The following UHRF2 variants were observed in gnomAD, a reference collection of about 807,000 sequenced individuals.
The protein encoded by UHRF2 is E3 ubiquitin-protein ligase UHRF2.
In UHRF2, 23 loss-of-function variants were observed where a neutral mutation model predicts 96.8. The observed-to-expected ratio is 0.24, with a 90% CI of 0.17 to 0.34. The LOEUF (loss-of-function observed/expected upper bound fraction) is 0.34, where lower values mean the gene tolerates loss of function less well. Ranked by LOEUF, UHRF2 falls within the 10% of genes least tolerant of loss-of-function variation. The pLI is 1.00. For synonymous variants in UHRF2, 385 were observed against 332.6 expected, an observed-to-expected ratio of 1.16 and a Z score of -1.72; for missense variants, 685 against 981.5, an observed-to-expected ratio of 0.70 and a Z score of 4.04.
chr9:6,440,044 A>G (rs1465295666), intron 3 of UHRF2, among the ~76,000 whole-genome samples: 2 of 152,168 alleles, frequency 1.3e-5, no homozygotes, highest in Non-Finnish European at 2.9e-5. Context: ...ATTCCCATCA[A>G]TTATCCTTTC....
At chr9:6,494,893 A>C (rs937151005) in intron 10 of UHRF2, 1 of 152,152 alleles carries the variant, frequency 6.6e-6, no homozygotes, top group East Asian at 1.9e-4. Context: ...TATGTGTTCT[A>C]TATTGTTTCT....
intron 1 of UHRF2, among the ~76,000 whole-genome samples, chr9:6,417,669 T>C (rs1819684771): frequency 6.6e-6 from 1 of 152,186 alleles, no homozygotes; most frequent in African/African-American, 2.4e-5. Flanking sequence ...AAGGAGTGGA[T>C]AATCTGGGTT....
At chr9:6,418,305 C>G (rs542539803) in intron 1 of UHRF2, among the ~76,000 whole-genome samples, 1 of 148,640 alleles carries the variant, frequency 6.7e-6, no homozygotes, top group East Asian at 2.0e-4. Flanking sequence ...ATTCCCATCC[C>G]TATCCTTATC....
chr9:6,467,311 C>A (rs1045091563), intron 4 of UHRF2, among the ~76,000 whole-genome samples: 1 of 152,210 alleles, frequency 6.6e-6, no homozygotes, highest in Non-Finnish European at 1.5e-5. Flanking sequence ...CCTTCATATT[C>A]TCTCCTCTGC....
At chr9:6,464,871 C>G (rs1030413214) in intron 4 of UHRF2, among the ~76,000 whole-genome samples, 1 of 152,050 alleles carries the variant, frequency 6.6e-6, no homozygotes, top group South Asian at 2.1e-4. Context: ...CTGTGTACTT[C>G]CATTTGAATT....
At chr9:6,443,404 A>C (rs996618257) in intron 3 of UHRF2, among the ~76,000 whole-genome samples, 2 of 152,212 alleles carry the variant, frequency 1.3e-5, no homozygotes, top group Non-Finnish European at 2.9e-5. Flanking sequence ...TAACTTGCTC[A>C]GTGTTAGAGA....
chr9:6,495,125 C>T (rs1213743460), intron 10 of UHRF2: 7 of 152,066 alleles, frequency 4.6e-5, no homozygotes, highest in Non-Finnish European at 8.8e-5. Context: ...ATTATTTTTC[C>T]CTTTAATAAT....
chr9:6,463,100 G>A (rs935682991), intron 4 of UHRF2, among the ~76,000 whole-genome samples: 6 of 152,132 alleles, frequency 3.9e-5, no homozygotes, highest in African/African-American at 1.4e-4. Flanking sequence ...TGACCAACTA[G>A]TGAAACCCTG....
chr9:6,491,246 G>A (rs887369764), intron 9 of UHRF2, among the ~76,000 whole-genome samples: 1 of 152,186 alleles, frequency 6.6e-6, no homozygotes, highest in Non-Finnish European at 1.5e-5. Flanking sequence ...TTGTGTCCTG[G>A]CTGTGGAGCC....
intron 4 of UHRF2, among the ~76,000 whole-genome samples, chr9:6,464,667 A>G (rs1030277920): frequency 7.9e-5 from 12 of 152,148 alleles, no homozygotes; most frequent in Non-Finnish European, 1.6e-4. Flanking sequence ...TGAAAAGCCC[A>G]TTTCCCTCCC....
intron 1 of UHRF2, chr9:6,413,910 TG>T: frequency 3.0e-6 from 1 of 338,772 alleles, no homozygotes; most frequent in Non-Finnish European, 5.3e-6. Flanking sequence ...CGTTTGTATT[TG>T]GTAGGACAGC....
intron 1 of UHRF2, among the ~76,000 whole-genome samples, chr9:6,414,745 C>G (rs1306318574): frequency 6.6e-6 from 1 of 152,220 alleles, no homozygotes; most frequent in Non-Finnish European, 1.5e-5. Flanking sequence ...CCTTCACAGG[C>G]TTAGTCTTCG....
intron 3 of UHRF2, among the ~76,000 whole-genome samples, chr9:6,449,709 TTTTTGCAAACAGTATGG>T (rs1444521007): frequency 6.6e-6 from 1 of 152,198 alleles, no homozygotes; most frequent in Non-Finnish European, 1.5e-5. Context: ...GCCTAAACTG[TTTTTGCAAACAGTATGG>T]TTTATGCTGA....
rs1193512835 is a variant in UHRF2, at chr9:6,413,789, G to A, written c.153+146G>A. On this transcript the variant is annotated intron_variant, in intron 1 of 15. Coordinates refer to ENST00000276893, the MANE Select transcript of UHRF2 (RefSeq NM_152896.3). ...GGTGGGCAGCCCCCGCGAGGCGCGG[G>A]GTGCGGGGCCCAGTCCCGCCGAATG... is the stretch of plus-strand genomic sequence containing the variant. 6 of 1,079,030 alleles carry A rather than the reference G, an allele frequency of 5.6e-6. No homozygotes were observed. The Admixed American group carries it at 1.3e-4, about 23-fold the overall frequency. 66.8% of individuals were successfully genotyped at this position (1,079,030 alleles called of 1,614,324 possible). A position where few individuals can be genotyped will look rare whatever the true frequency, so the allele number is the denominator to read the frequency against.
intron 2 of UHRF2, 73 bp downstream of exon 2, chr9:6,421,215 TA>T (rs1819911709): frequency 8.9e-7 from 1 of 1,125,294 alleles, no homozygotes; most frequent in Non-Finnish European, 1.3e-6. Flanking sequence ...ATGTTTTGAA[TA>T]AGTAAACATT....
Position 6,486,909 on chromosome 9 carries a change from G to A in UHRF2, c.1481G>A (p.Gly494Glu). Residue 494 changes from glycine (G) to glutamate (E), a missense_variant, in exon 9 of 16, where the codon GGA (glycine) becomes GAA (glutamate). This residue lies in a region of UHRF2 where 73 missense variants were observed against 283.7 expected (regional missense o/e 0.26). Transcript: ENST00000276893. ...GCTTATTCTCTTGTACTGGCTGGTG[G>A]ATTTGCGGATGAAGTCGTAAGTCAT... ...DGAYSLVLAGGFADEVDRGDE... is the reference protein window; with the variant it reads ...DGAYSLVLAGEFADEVDRGDE... The A allele has an allele frequency of 6.2e-7, 1 of 1,614,056 alleles. No individual in the cohort carries two copies. The highest frequency in any genetic ancestry group is 8.5e-7 in the Non-Finnish European group (1 of 1,179,992).
chr9:6,473,739 G>T (rs1486680385), intron 4 of UHRF2, among the ~76,000 whole-genome samples: 1 of 152,166 alleles, frequency 6.6e-6, no homozygotes, highest in East Asian at 1.9e-4. Context: ...TAACTCCCCT[G>T]TTAACAGCAT....
intron 8 of UHRF2, among the ~76,000 whole-genome samples, chr9:6,483,579 A>G (rs893010462): frequency 1.3e-5 from 2 of 152,244 alleles, no homozygotes; most frequent in Non-Finnish European, 2.9e-5. Context: ...GACTTGGCAG[A>G]TGTGGAACCT....
chr9:6,437,617 A>G (rs1406462318), intron 3 of UHRF2, among the ~76,000 whole-genome samples: 2 of 150,762 alleles, frequency 1.3e-5, no homozygotes, highest in Non-Finnish European at 3.0e-5. Flanking sequence ...GTTTTGCTTT[A>G]TTTTATTTAT....
Sources: allele counts gnomAD v4.1 joint callset (sites outside exome capture counted in the v4.1 genomes callset), GRCh38; gene constraint gnomAD v4.1.1; regional missense constraint gnomAD v4.1.1; transcripts MANE v1.5; gene names NCBI Gene and HGNC (gene_info 2026-07-23, HGNC 2026-07-21).